CFH: variants seen among roughly 807,000 people sequenced by gnomAD.
The protein encoded by CFH is H factor 1 (complement).
In CFH, 53 loss-of-function variants were observed where a neutral mutation model predicts 147.3. That is an observed-to-expected ratio of 0.36 (90% CI 0.29 to 0.45). The LOEUF is 0.45. Among genes scored for constraint, CFH ranks in the 20% least tolerant of loss-of-function variants. The probability of loss-of-function intolerance (pLI) is 1.00; values close to 1 mark genes in which losing one functional copy is unlikely to be tolerated. For synonymous variants in CFH, 536 were observed against 489.4 expected (o/e 1.10, Z -1.26); for missense variants, 1,380 against 1,498.0 (o/e 0.92, Z 1.30).
chr1:196,674,892 T>C (rs1469549258), intron 3 of CFH, among the ~76,000 whole-genome samples: 4 of 152,096 alleles, frequency 2.6e-5, no homozygotes, highest in Admixed American at 2.6e-4. Context: ...AAGACACACA[T>C]CTGCAGCCCT....
intron 1 of CFH, among the ~76,000 whole-genome samples, chr1:196,654,246 A>G (rs952311985): frequency 6.6e-6 from 1 of 152,144 alleles, no homozygotes; most frequent in African/African-American, 2.4e-5. Context: ...CTGCTCTGTT[A>G]AGAGTGAACT....
chr1:196,700,559 C>A (rs1264361411), intron 9 of CFH, among the ~76,000 whole-genome samples: 1 of 150,900 alleles, frequency 6.6e-6, no homozygotes, highest in African/African-American at 2.4e-5. Flanking sequence ...GAGGCTGAGG[C>A]TGGAGAATCA....
intron 9 of CFH, among the ~76,000 whole-genome samples, chr1:196,691,956 ACT>A (rs1465369373): frequency 6.6e-6 from 1 of 151,948 alleles, no homozygotes; most frequent in Non-Finnish European, 1.5e-5. Context: ...AATATGGTAA[ACT>A]CAACATTTCC....
intron 11 of CFH, among the ~76,000 whole-genome samples, chr1:196,724,445 A>AGT (rs1558177946): frequency 1.3e-5 from 2 of 152,086 alleles, no homozygotes; most frequent in South Asian, 4.1e-4. Flanking sequence ...CACTCACACC[A>AGT]GTGTGTGTGT....
At chr1:196,663,184 A>T (rs1300110606) in intron 1 of CFH, among the ~76,000 whole-genome samples, 1 of 151,922 alleles carries the variant, frequency 6.6e-6, no homozygotes, top group Non-Finnish European at 1.5e-5. Flanking sequence ...GGTATGTTCC[A>T]TTCATTTTTT....
intron 1 of CFH, among the ~76,000 whole-genome samples, chr1:196,654,026 T>C (rs1482123115): frequency 6.6e-6 from 1 of 152,132 alleles, no homozygotes; most frequent in Non-Finnish European, 1.5e-5. Flanking sequence ...ACTAAACTAG[T>C]TCGAGATGTC....
chr1:196,659,439 G>T (rs1270627786), intron 1 of CFH, among the ~76,000 whole-genome samples: 1 of 152,186 alleles, frequency 6.6e-6, no homozygotes, highest in African/African-American at 2.4e-5. Context: ...GGGTGAGCCT[G>T]TGGTGTTAAA....
At chr1:196,655,227 T>C (rs948823013) in intron 1 of CFH, among the ~76,000 whole-genome samples, 1 of 152,122 alleles carries the variant, frequency 6.6e-6, no homozygotes, top group Non-Finnish European at 1.5e-5. Flanking sequence ...AGGATAAGAA[T>C]AGAACAAAGT....
chr1:196,692,768 T>TCCTTTC (rs1668093709), intron 9 of CFH, among the ~76,000 whole-genome samples: 2 of 66,716 alleles, frequency 3.0e-5, no homozygotes, highest in African/African-American at 1.3e-4. Context: ...CTTTCTTTCT[T>TCCTTTC]TCTTTCTTTC....
chr1:196,746,421 A>G lies in CFH; in HGVS notation c.3493+422A>G, dbSNP rs1179067086. Among the ~76,000 whole-genome samples, 3 of 152,246 alleles carry G rather than the reference A, an allele frequency of 2.0e-5. No homozygotes were observed. In the East Asian group the frequency reaches 5.8e-4, roughly 29 times the overall value. On this transcript the variant is annotated intron_variant, in intron 21 of 21. Coordinates refer to ENST00000367429, the MANE Select transcript of CFH (RefSeq NM_000186.4). Reference sequence around the variant, plus strand: ...AGCCGAGTTCGCGCCACTGCACTCCAGCCTGGGTGACAAAGCGAGACTCCG... The same window carrying G: ...AGCCGAGTTCGCGCCACTGCACTCCGGCCTGGGTGACAAAGCGAGACTCCG...
intron 1 of CFH, among the ~76,000 whole-genome samples, chr1:196,665,284 G>A (rs1667042087): frequency 6.6e-6 from 1 of 151,074 alleles, no homozygotes; most frequent in South Asian, 2.1e-4. Context: ...GTTTTAATGT[G>A]TATATGTTCT....
intron 3 of CFH, 92 bp from the exon 4 acceptor site, chr1:196,675,897 T>C: frequency 1.3e-6 from 1 of 783,246 alleles, no homozygotes; most frequent in Non-Finnish European, 2.2e-6. Context: ...TTTTCCTTAA[T>C]ATGGAGTTTC....
At chr1:196,671,217 A>T (rs1667265545) in intron 1 of CFH, among the ~76,000 whole-genome samples, 1 of 152,012 alleles carries the variant, frequency 6.6e-6, no homozygotes, top group Admixed American at 6.6e-5. Context: ...AGTTCCTTTA[A>T]TGTTCCTAAA....
chr1:196,700,968 T>C (rs889748827), intron 9 of CFH: 3 of 534,338 alleles, frequency 5.6e-6, no homozygotes, highest in Non-Finnish European at 7.2e-6. Flanking sequence ...GTCTTAGAGG[T>C]CTTGTGGCCT....
chr1:196,737,009 C>A lies in CFH; in HGVS notation c.2596+3C>A. On this transcript the variant is annotated splice_donor_region_variant and intron_variant, in intron 16 of 21. Coordinates refer to ENST00000367429, the MANE Select transcript of CFH (RefSeq NM_000186.4). ...GCAGTCAATACCACTCTGTGTTGGT[C>A]AGTAGTGTATAATTTGTTTTACATA... The A allele has an allele frequency of 5.6e-6, 9 of 1,606,060 alleles. No homozygotes were observed. The highest frequency in any genetic ancestry group is 2.2e-5 in the South Asian group (2 of 90,746).
chr1:196,728,149 G>A (rs1045131718), intron 14 of CFH, among the ~76,000 whole-genome samples, 197 bp from the exon 15 acceptor site: 2 of 152,004 alleles, frequency 1.3e-5, no homozygotes, highest in African/African-American at 2.4e-5. Flanking sequence ...ACATTTCAGC[G>A]ACAGAATACA....
At chr1:196,692,241 G>GT in intron 9 of CFH, 1 of 165,448 alleles carries the variant, frequency 6.0e-6, no homozygotes, top group Admixed American at 6.6e-5. Flanking sequence ...ATTAATATAG[G>GT]TTTTTAATAA....
Position 196,693,485 on chromosome 1 carries a change from T to C in CFH, c.1336+3246T>C, listed in dbSNP as rs1573032942. Among the ~76,000 whole-genome samples, 6 of 152,196 alleles carry C rather than the reference T, an allele frequency of 3.9e-5. 1 individual carries two copies. In the South Asian group the frequency reaches 1.2e-3, roughly 32 times the overall value. On this transcript the variant is annotated intron_variant, in intron 9 of 21. Transcript: ENST00000367429. ...CAGGCTCCCCAGTAAATGCCCGAAATGATTAATAGTATAAAACCCAAGTAG... is the reference window on the plus strand; with the variant it reads ...CAGGCTCCCCAGTAAATGCCCGAAACGATTAATAGTATAAAACCCAAGTAG...
At chr1:196,666,651 A>G (rs1034233431) in intron 1 of CFH, among the ~76,000 whole-genome samples, 1 of 151,610 alleles carries the variant, frequency 6.6e-6, no homozygotes, top group African/African-American at 2.4e-5. Flanking sequence ...ACAAGAAAAA[A>G]AAACCCAAAA....
Sources: allele counts gnomAD v4.1 joint callset (sites outside exome capture counted in the v4.1 genomes callset), GRCh38; gene constraint gnomAD v4.1.1; transcripts MANE v1.5; gene names NCBI Gene and HGNC (gene_info 2026-07-23, HGNC 2026-07-21).